The following SGPP2 variants were observed in gnomAD, a reference collection of about 807,000 sequenced individuals.
SGPP2 encodes the protein sphingosine-1-phosphate phosphatase 2, also known as sphingosine 1-phosphate phosphohydrolase 2.
SGPP2 carries 30 observed loss-of-function variants against 33.9 expected under a neutral mutation model. That is an observed-to-expected ratio of 0.89 (90% CI 0.66 to 1.20). The LOEUF (loss-of-function observed/expected upper bound fraction) is 1.20. Among genes scored for constraint, SGPP2 ranks in the 50% most tolerant of loss-of-function variants. SGPP2 has a pLI of 0.00. For synonymous variants in SGPP2, 233 were observed against 225.0 expected, an observed-to-expected ratio of 1.04 and a Z score of -0.32; for missense variants, 458 against 532.1, an observed-to-expected ratio of 0.86 and a Z score of 1.37.
intron 2 of SGPP2, among the ~76,000 whole-genome samples, chr2:222,503,615 T>G (rs1698399489): frequency 6.6e-6 from 1 of 152,202 alleles, no homozygotes; most frequent in African/African-American, 2.4e-5. Context: ...TAATGTCTAT[T>G]TCATGTGTCT....
intron 1 of SGPP2, among the ~76,000 whole-genome samples, chr2:222,428,982 G>A (rs899389418): frequency 2.6e-5 from 4 of 151,708 alleles, no homozygotes; most frequent in South Asian, 2.1e-4. Context: ...AGTAGAGATC[G>A]GGTTTTGCCA....
intron 1 of SGPP2, among the ~76,000 whole-genome samples, chr2:222,435,700 G>A (rs536717707): frequency 3.9e-5 from 6 of 152,314 alleles, no homozygotes; most frequent in African/African-American, 1.4e-4. Flanking sequence ...TGATAAAGGA[G>A]AAAGGAAATA....
chr2:222,529,523 C>T (rs1035267681), intron 4 of SGPP2, among the ~76,000 whole-genome samples: 3 of 152,008 alleles, frequency 2.0e-5, no homozygotes, highest in Non-Finnish European at 4.4e-5. Context: ...TTAGTAGAGG[C>T]GGGGTTTCAC....
chr2:222,457,660 A>G (rs1697592240), intron 1 of SGPP2, among the ~76,000 whole-genome samples: 1 of 152,184 alleles, frequency 6.6e-6, no homozygotes, highest in South Asian at 2.1e-4. Flanking sequence ...ATTTACACTA[A>G]AAAGTAGGAA....
chr2:222,452,497 T>C, intron 1 of SGPP2: 1 of 882,680 alleles, frequency 1.1e-6, no homozygotes, highest in Admixed American at 1.7e-5. Flanking sequence ...TATTACGTTA[T>C]GGCTTTCCCC....
intron 1 of SGPP2, among the ~76,000 whole-genome samples, chr2:222,449,533 G>A (rs997946316): frequency 6.7e-5 from 10 of 150,368 alleles, no homozygotes; most frequent in East Asian, 3.9e-4. Flanking sequence ...GCAGTGGTGC[G>A]ATCTCAACTC....
chr2:222,475,636 A>G (rs905095428), intron 2 of SGPP2, among the ~76,000 whole-genome samples: 1 of 152,204 alleles, frequency 6.6e-6, no homozygotes, highest in East Asian at 1.9e-4. Flanking sequence ...CACAGAAACC[A>G]TATGACAATC....
rs570720414 is a variant in SGPP2, at chr2:222,551,043, A to C, written c.649-7304A>C. The stretch of plus-strand genomic sequence containing the variant: ...AGGAGTTTTACATTTGTTCTTTGCA[A>C]AGTAAAGAATACTTATTCTCACCAT... On this transcript the variant is annotated intron_variant, in intron 4 of 4. Transcript: ENST00000321276. 6.6e-5 allele frequency among the ~76,000 whole-genome samples: 10 copies of C among 151,618 alleles called. No individual in the cohort carries two copies. In the South Asian group the frequency reaches 2.1e-3, roughly 31 times the overall value.
intron 2 of SGPP2, among the ~76,000 whole-genome samples, chr2:222,497,140 T>G (rs1484002852): frequency 6.6e-6 from 1 of 152,126 alleles, no homozygotes; most frequent in African/African-American, 2.4e-5. Context: ...TATCTCAAGG[T>G]GTTTGCAGGA....
chr2:222,545,092 G>A lies in SGPP2; in HGVS notation c.649-13255G>A, dbSNP rs181995698. ...TGAGCTCTATTATTATTTACATGAG[G>A]ATTTCCTAGAAGAGAGGAAAGATTT... On this transcript the variant is annotated intron_variant, in intron 4 of 4. Coordinates refer to ENST00000321276, the MANE Select transcript of SGPP2 (RefSeq NM_152386.4). Among the ~76,000 whole-genome samples the A allele has an allele frequency of 9.2e-5, 14 of 152,220 alleles. No individual in the cohort carries two copies. In the East Asian group the frequency reaches 9.6e-4, roughly 10 times the overall value.
intron 2 of SGPP2, among the ~76,000 whole-genome samples, chr2:222,489,285 A>G (rs1032783778): frequency 1.3e-5 from 2 of 152,202 alleles, no homozygotes; most frequent in African/African-American, 2.4e-5. Flanking sequence ...ACAATTTTCA[A>G]TGTTTGTCTA....
rs540935358 is a variant in SGPP2 at position 222,445,978 on chromosome 2, A to G, written c.219+21157A>G. 5.3e-5 allele frequency among the ~76,000 whole-genome samples: 8 copies of G among 152,350 alleles called. No individual in the cohort carries two copies. The South Asian group carries it at 1.4e-3, about 28-fold the overall frequency. On this transcript the variant is annotated intron_variant, in intron 1 of 4. Transcript: ENST00000321276. ...CCAGAAGGGCGGAACTACAGAGCAA[A>G]GAACTAGAAGTGGGATTAAATGTGC...
chr2:222,467,514 G>A (rs78080901), intron 1 of SGPP2, among the ~76,000 whole-genome samples: 1,838 of 152,190 alleles, frequency 0.012, 34 homozygotes, highest in Admixed American at 0.031. Context: ...GAAATTATCC[G>A]GGTAGGGAGC....
intron 4 of SGPP2, among the ~76,000 whole-genome samples, chr2:222,531,632 TCCTGTTAATAC>T (rs1468501925): frequency 2.0e-5 from 3 of 152,200 alleles, no homozygotes; most frequent in African/African-American, 7.2e-5. Flanking sequence ...ACAATATAAA[TCCTGTTAATAC>T]CGCTGGATAT....
intron 1 of SGPP2, among the ~76,000 whole-genome samples, chr2:222,467,950 GA>G (rs61253653): frequency 0.026 from 645 of 24,876 alleles, 8 homozygotes; most frequent in African/African-American, 0.038. Context: ...GCTCTAATCT[GA>G]AAAAAAAAAA....
At chr2:222,556,350 G>A (rs1689398795) in intron 4 of SGPP2, among the ~76,000 whole-genome samples, 1 of 151,948 alleles carries the variant, frequency 6.6e-6, no homozygotes, top group South Asian at 2.1e-4. Flanking sequence ...ATGGTGGAGG[G>A]GAACTGAAGT....
chr2:222,424,877 G>C, intron 1 of SGPP2, 56 bp downstream of exon 1: 1 of 1,248,234 alleles, frequency 8.0e-7, no homozygotes, highest in Non-Finnish European at 1.0e-6. Context: ...CGGACGTGCG[G>C]GTCCCTGCGA....
chr2:222,498,353 C>G (rs979772095), intron 2 of SGPP2: 1 of 152,038 alleles, frequency 6.6e-6, no homozygotes, highest in African/African-American at 2.4e-5. Context: ...TAACAGGGCC[C>G]CTCAGCAAGG....
chr2:222,554,460 C>A (rs901030949), intron 4 of SGPP2, among the ~76,000 whole-genome samples: 18 of 152,174 alleles, frequency 1.2e-4, no homozygotes, highest in Admixed American at 6.5e-4. Context: ...TAAATATGTC[C>A]TTTTAAACGT....
Sources: gnomAD v4.1 joint callset for allele counts (sites outside exome capture counted in the v4.1 genomes callset) on GRCh38, gnomAD v4.1.1 for gene constraint, MANE v1.5 for transcripts, NCBI Gene and HGNC (gene_info 2026-07-23, HGNC 2026-07-21) for gene names.